The following NEK1 variants were observed in gnomAD, a reference collection of about 807,000 sequenced individuals.
NEK1 encodes NIMA related kinase 1, also known as serine/threonine-protein kinase Nek1.
NEK1 carries 137 observed loss-of-function variants against 182.1 expected under a neutral mutation model. The ratio of observed to expected loss-of-function variants is 0.75; its 90% CI spans 0.65 to 0.87. The LOEUF is 0.87. Ranked by LOEUF, NEK1 falls within the 40% of genes least tolerant of loss-of-function variation. The probability of loss-of-function intolerance (pLI) is 0.00; values close to 1 mark genes in which losing one functional copy is unlikely to be tolerated. For missense variants in NEK1, 1,391 were observed against 1,494.4 expected (o/e 0.93, Z 1.14); for synonymous variants, 513 against 492.2 (o/e 1.04, Z -0.56).
Position 169,576,909 on chromosome 4 carries a change from G to C in NEK1, c.1020+19C>G. 1 of 1,576,364 alleles carries C rather than the reference G, an allele frequency of 6.3e-7. No individual in the cohort carries two copies. Among genetic ancestry groups the C allele is most frequent in the Non-Finnish European group, 8.6e-7 (1 of 1,159,720 alleles). ...GAATTGAATTTGTTATTAACACATG[G>C]TATGTAACATGATCATACCTGTTTA... is the stretch of plus-strand genomic sequence containing the variant. On this transcript the variant is annotated intron_variant, in intron 12 of 35. Transcript: ENST00000507142.
intron 2 of NEK1, among the ~76,000 whole-genome samples, chr4:169,602,885 C>T (rs918290749): frequency 2.6e-5 from 4 of 151,988 alleles, no homozygotes; most frequent in African/African-American, 9.7e-5. Context: ...TGTGATATTT[C>T]AATTTTATAA....
intron 19 of NEK1, among the ~76,000 whole-genome samples, chr4:169,535,151 C>T (rs1039788497): frequency 2.0e-5 from 3 of 151,956 alleles, no homozygotes; most frequent in African/African-American, 7.3e-5. Flanking sequence ...GAAACCCCAT[C>T]TCTACTAAAA....
chr4:169,395,807 G>GA (rs554887415), intron 35 of NEK1, among the ~76,000 whole-genome samples: 39 of 152,180 alleles, frequency 2.6e-4, no homozygotes, highest in Middle Eastern at 3.4e-3. Flanking sequence ...TCAGTACTCT[G>GA]AAATTGATGT....
chr4:169,471,625 GTCTGT>G (rs1415909687), intron 26 of NEK1, among the ~76,000 whole-genome samples: 5 of 152,320 alleles, frequency 3.3e-5, no homozygotes, highest in African/African-American at 1.2e-4. Context: ...GGAAGAGGCA[GTCTGT>G]CCCTTAGCAG....
At chr4:169,546,792 T>G (rs1210737511) in intron 18 of NEK1, among the ~76,000 whole-genome samples, 9 of 152,208 alleles carry the variant, frequency 5.9e-5, no homozygotes, top group Non-Finnish European at 8.8e-5. Flanking sequence ...AGACTAGGAT[T>G]GCAACCCCTG....
At chr4:169,556,369 T>C (rs148678738) in intron 16 of NEK1, among the ~76,000 whole-genome samples, 280 of 152,250 alleles carry the variant, frequency 1.8e-3, no homozygotes, top group African/African-American at 6.6e-3. Flanking sequence ...ATGGAAAAAT[T>C]TGATCTTAAT....
At chr4:169,607,524 G>A (rs1177272340) in intron 2 of NEK1, among the ~76,000 whole-genome samples, 8 of 151,774 alleles carry the variant, frequency 5.3e-5, no homozygotes, top group African/African-American at 9.7e-5. Context: ...GTGCAGTGGC[G>A]CAGTCTTGGC....
intron 18 of NEK1, among the ~76,000 whole-genome samples, chr4:169,543,147 CTTGAG>C (rs1759748253): frequency 6.6e-6 from 1 of 152,220 alleles, no homozygotes; most frequent in South Asian, 2.1e-4. Context: ...TTTAATCCAT[CTTGAG>C]TTAATTTTTG....
intron 12 of NEK1, among the ~76,000 whole-genome samples, chr4:169,571,114 C>A (rs1221539858): frequency 5.3e-5 from 8 of 151,638 alleles, no homozygotes; most frequent in Non-Finnish European, 2.9e-5. Flanking sequence ...GACCTTCCCT[C>A]CACTATTGTC....
At chr4:169,567,548 TGTC>T (rs959528032) in intron 12 of NEK1, among the ~76,000 whole-genome samples, 2 of 152,116 alleles carry the variant, frequency 1.3e-5, no homozygotes, top group African/African-American at 4.8e-5. Context: ...TACAAGCACA[TGTC>T]ACCATGCCTG....
intron 23 of NEK1, among the ~76,000 whole-genome samples, chr4:169,483,248 T>C (rs1162613943): frequency 6.6e-6 from 1 of 152,172 alleles, no homozygotes; most frequent in Non-Finnish European, 1.5e-5. Context: ...TCCCATCTTA[T>C]ATGGGTGAAG....
At chr4:169,487,109 A>T (rs1000406767) in intron 23 of NEK1, among the ~76,000 whole-genome samples, 15 of 152,288 alleles carry the variant, frequency 9.8e-5, no homozygotes, top group African/African-American at 3.6e-4. Flanking sequence ...AAATTTTATA[A>T]AATTAGGTAT....
rs757313144 is a variant in NEK1 at position 169,532,117 on chromosome 4, G to A, written c.1665+5692C>T. On this transcript the variant is annotated intron_variant, in intron 19 of 35. Coordinates refer to ENST00000507142, the MANE Select transcript of NEK1 (RefSeq NM_001199397.3). ...GGTGAGTAGGTGACTGACTTCAAAG[G>A]GGCATGAAGAAACTTTTAGGGGGGC... 3.0e-4 allele frequency among the ~76,000 whole-genome samples: 45 copies of A among 152,268 alleles called. 1 individual carries two copies. Among genetic ancestry groups the A allele is most frequent in the Non-Finnish European group, 6.5e-4 (44 of 68,014 alleles).
intron 31 of NEK1, among the ~76,000 whole-genome samples, chr4:169,408,919 G>A (rs1475341349): frequency 6.6e-6 from 1 of 152,132 alleles, no homozygotes; most frequent in Non-Finnish European, 1.5e-5. Context: ...TGCAAATTGT[G>A]CTGCTATAAA....
chr4:169,494,460 G>A (rs972388851), intron 23 of NEK1, among the ~76,000 whole-genome samples: 4 of 152,164 alleles, frequency 2.6e-5, no homozygotes, highest in Non-Finnish European at 5.9e-5. Context: ...GTATTCCATG[G>A]TGTATATGTG....
At chr4:169,605,666 C>T (rs1181807008) in intron 2 of NEK1, among the ~76,000 whole-genome samples, 5 of 152,122 alleles carry the variant, frequency 3.3e-5, no homozygotes, top group African/African-American at 4.8e-5. Context: ...AAGGAACATA[C>T]GAATCCTGTT....
chr4:169,507,174 A>C, intron 22 of NEK1, 42 bp from the exon 23 acceptor site: 1 of 1,027,474 alleles, frequency 9.7e-7, no homozygotes, highest in Non-Finnish European at 1.4e-6. Flanking sequence ...ACCAGAAAGA[A>C]GGGCAGAGGT....
chr4:169,550,334 T>C (rs1413206237), intron 18 of NEK1, among the ~76,000 whole-genome samples: 4 of 152,308 alleles, frequency 2.6e-5, no homozygotes, highest in African/African-American at 9.6e-5. Context: ...GACCTCTTTT[T>C]CTTTATAAAT....
intron 19 of NEK1, among the ~76,000 whole-genome samples, chr4:169,515,520 A>C (rs941107011): frequency 7.0e-6 from 1 of 142,950 alleles, no homozygotes; most frequent in African/African-American, 2.6e-5. Flanking sequence ...TTTTTATTAT[A>C]CTCTAAGTTT....
Sources: allele counts gnomAD v4.1 joint callset (sites outside exome capture counted in the v4.1 genomes callset), GRCh38; gene constraint gnomAD v4.1.1; transcripts MANE v1.5; gene names NCBI Gene and HGNC (gene_info 2026-07-23, HGNC 2026-07-21).